ULK4: variants seen among roughly 807,000 people sequenced by gnomAD.
ULK4 encodes the protein inactive serine/threonine-protein kinase ULK4.
A neutral mutation model predicts 160.6 loss-of-function variants in ULK4; 133 were observed. The observed-to-expected ratio is 0.83, with a 90% CI of 0.72 to 0.96. ULK4 has a LOEUF of 0.96. ULK4 is among the 40% of genes least tolerant of loss of function. ULK4 has a pLI of 0.00. For synonymous variants in ULK4, 534 were observed against 539.8 expected, an observed-to-expected ratio of 0.99 and a Z score of 0.15; for missense variants, 1,580 against 1,499.5, an observed-to-expected ratio of 1.05 and a Z score of -0.89.
rs2080912611 is a variant in ULK4, at chr3:41,351,695, GAGC to G, written c.3678+46381_3678+46383del. ...ATCCAAGTTTCTGCCTTTCCAAATG[GAGC>G]CATCTTCTCACAGAGAAGATCCATA... On this transcript the variant is annotated intron_variant, in intron 35 of 36. Coordinates refer to ENST00000301831, the MANE Select transcript of ULK4 (RefSeq NM_017886.4). Among the ~76,000 whole-genome samples, 4 of 152,122 alleles carry G rather than the reference GAGC, an allele frequency of 2.6e-5. 1 individual carries two copies. In the South Asian group the frequency reaches 8.3e-4, roughly 32 times the overall value.
At chr3:41,868,840 T>C (rs1322359860) in intron 17 of ULK4, among the ~76,000 whole-genome samples, 1 of 152,080 alleles carries the variant, frequency 6.6e-6, no homozygotes, top group East Asian at 1.9e-4. Flanking sequence ...TGCCTTTTGA[T>C]GGGAATATTT....
intron 17 of ULK4, among the ~76,000 whole-genome samples, chr3:41,866,860 A>G (rs1407547408): frequency 6.6e-6 from 1 of 152,184 alleles, no homozygotes; most frequent in Non-Finnish European, 1.5e-5. Context: ...CTGTTATTCA[A>G]GCACTTTTTC....
At chr3:41,768,272 C>A (rs1002732983) in intron 21 of ULK4, among the ~76,000 whole-genome samples, 2 of 152,132 alleles carry the variant, frequency 1.3e-5, no homozygotes, top group Non-Finnish European at 2.9e-5. Context: ...AAACATGAAA[C>A]TATTTTAACA....
chr3:41,960,329 G>GT (rs1411563389), intron 1 of ULK4, among the ~76,000 whole-genome samples: 1 of 151,578 alleles, frequency 6.6e-6, no homozygotes, highest in African/African-American at 2.4e-5. Context: ...CTCTAAGGCT[G>GT]TTTCCTTAGA....
intron 35 of ULK4, among the ~76,000 whole-genome samples, chr3:41,374,934 C>T (rs1463111728): frequency 2.0e-5 from 3 of 152,188 alleles, no homozygotes; most frequent in Non-Finnish European, 4.4e-5. Flanking sequence ...GCAACTTCAG[C>T]AAAGTCTCAG....
chr3:41,623,678 G>C (rs2033358970), intron 30 of ULK4, among the ~76,000 whole-genome samples: 1 of 152,300 alleles, frequency 6.6e-6, no homozygotes, highest in Non-Finnish European at 1.5e-5. Flanking sequence ...GTAGAGGGTA[G>C]AATGGTGGTT....
At chr3:41,951,365 A>G (rs1350812647) in intron 2 of ULK4, among the ~76,000 whole-genome samples, 1 of 151,652 alleles carries the variant, frequency 6.6e-6, no homozygotes, top group Non-Finnish European at 1.5e-5. Context: ...ATAGAATCTC[A>G]AGGTATGTCA....
In ULK4 at chr3:41,841,166, C is replaced by A. The variant is rs1429418628; in HGVS notation, c.1657-5195G>T. 2.0e-5 allele frequency among the ~76,000 whole-genome samples: 3 copies of A among 150,234 alleles called. No individual in the cohort carries two copies. The East Asian group carries it at 6.0e-4, about 30-fold the overall frequency. On this transcript the variant is annotated intron_variant, in intron 17 of 36. Coordinates refer to ENST00000301831, the MANE Select transcript of ULK4 (RefSeq NM_017886.4). ...CACCCCGTCTGGGATGTCAGCTGCC[C>A]CGACTGGGAGGTGAGGAGCGCCTCT...
At chr3:41,758,795 C>G (rs546485865) in intron 21 of ULK4, among the ~76,000 whole-genome samples, 2 of 151,576 alleles carry the variant, frequency 1.3e-5, no homozygotes, top group Non-Finnish European at 2.9e-5. Flanking sequence ...ATGGCGTGAA[C>G]CCGGGAGGCG....
intron 33 of ULK4, among the ~76,000 whole-genome samples, chr3:41,460,303 C>A (rs778963471): frequency 6.6e-6 from 1 of 152,136 alleles, no homozygotes; most frequent in African/African-American, 2.4e-5. Context: ...AGTCAGGTGA[C>A]CTGAATTAGA....
In ULK4 at chr3:41,918,485, A is replaced by C; in HGVS notation, c.699T>G (p.Cys233Trp). ...TCGGAATAGGTGGCAAAGGATCTTC[A>C]CATAAGATCTTTTCAGTTAATTCTG... is the stretch of plus-strand genomic sequence containing the variant. ...SISELTEKILCEDPLPPIPKD... is the reference protein window; with the variant it reads ...SISELTEKILWEDPLPPIPKD... Residue 233 changes from cysteine to tryptophan, a missense_variant, in exon 7 of 37, where the codon TGT (cysteine) becomes TGG (tryptophan). Coordinates refer to ENST00000301831, the MANE Select transcript of ULK4 (RefSeq NM_017886.4). 1 of 1,584,362 alleles carries C rather than the reference A, an allele frequency of 6.3e-7. No homozygotes were observed. Among genetic ancestry groups the C allele is most frequent in the Non-Finnish European group, 8.6e-7 (1 of 1,167,842 alleles).
intron 20 of ULK4, among the ~76,000 whole-genome samples, chr3:41,797,581 G>A (rs2040339142): frequency 2.0e-5 from 3 of 152,094 alleles, no homozygotes; most frequent in Admixed American, 6.6e-5. Flanking sequence ...AAATACAGGC[G>A]GGGCACAGTG....
intron 35 of ULK4, among the ~76,000 whole-genome samples, chr3:41,288,499 G>C (rs2079504071): frequency 6.6e-6 from 1 of 152,188 alleles, no homozygotes; most frequent in African/African-American, 2.4e-5. Context: ...ATCTTGGTCT[G>C]ACTCTTGGTA....
intron 27 of ULK4, among the ~76,000 whole-genome samples, chr3:41,696,164 GCCTGA>G (rs2036491749): frequency 2.0e-5 from 3 of 152,080 alleles, no homozygotes; most frequent in African/African-American, 7.2e-5. Context: ...CTTGTGGAAG[GCCTGA>G]CATGAGTCAG....
At chr3:41,835,998 A>G in intron 17 of ULK4, 27 bp from the exon 18 acceptor site, 2 of 1,341,328 alleles carry the variant, frequency 1.5e-6, no homozygotes. Context: ...AAAAAAAGTA[A>G]ATTATTTCAA....
chr3:41,957,564 T>C (rs995781493), intron 1 of ULK4, among the ~76,000 whole-genome samples: 1 of 151,670 alleles, frequency 6.6e-6, no homozygotes, highest in Non-Finnish European at 1.5e-5. Context: ...AAACAGCACA[T>C]TGGCCAGGCA....
In ULK4 at chr3:41,480,686, C is replaced by T. The variant is rs139839998; in HGVS notation, c.3227-17433G>A. Among the ~76,000 whole-genome samples, 229 of 152,154 alleles carry T rather than the reference C, an allele frequency of 1.5e-3. 1 individual carries two copies. Among genetic ancestry groups the T allele is most frequent in the East Asian group, 6.8e-3 (35 of 5,184 alleles). ...TATGTATTAGTCCATTCTCACACTG[C>T]TAATAAAGACATACCCAAGACTGGG... On this transcript the variant is annotated intron_variant, in intron 32 of 36. Coordinates refer to ENST00000301831, the MANE Select transcript of ULK4 (RefSeq NM_017886.4).
chr3:41,812,411 T>G (rs577682034), intron 19 of ULK4, among the ~76,000 whole-genome samples: 3 of 152,172 alleles, frequency 2.0e-5, no homozygotes, highest in African/African-American at 7.2e-5. Flanking sequence ...TGAAAAACTT[T>G]TGGTGGAACA....
At chr3:41,286,692 G>A (rs996483031) in intron 35 of ULK4, among the ~76,000 whole-genome samples, 1 of 152,206 alleles carries the variant, frequency 6.6e-6, no homozygotes, top group Non-Finnish European at 1.5e-5. Context: ...GAGTAGCACC[G>A]GAACACAGAT....
Sources: gnomAD v4.1 joint callset for allele counts (sites outside exome capture counted in the v4.1 genomes callset) on GRCh38, gnomAD v4.1.1 for gene constraint, MANE v1.5 for transcripts, NCBI Gene and HGNC (gene_info 2026-07-23, HGNC 2026-07-21) for gene names.